The following PCDH11X variants were observed in gnomAD, a reference collection of about 807,000 sequenced individuals.
PCDH11X encodes protocadherin-11 X-linked.
PCDH11X carries 18 observed loss-of-function variants against 53.3 expected under a neutral mutation model. The observed-to-expected ratio is 0.34, with a 90% confidence interval of 0.23 to 0.50. The LOEUF (loss-of-function observed/expected upper bound fraction) is 0.50. Among genes scored for constraint, PCDH11X ranks in the 20% least tolerant of loss-of-function variants. The pLI, the probability that PCDH11X is intolerant of heterozygous loss-of-function variation, is 0.98. For missense variants in PCDH11X, 570 were observed against 1,032.4 expected (o/e 0.55, Z 6.14); for synonymous variants, 279 against 393.3 (o/e 0.71, Z 3.44).
At chrX:92,244,632 A>T (rs1477035065) in intron 7 of PCDH11X, among the ~76,000 whole-genome samples, 1 of 111,753 alleles carries the variant, frequency 8.9e-6, no homozygotes, top group Non-Finnish European at 1.9e-5. Flanking sequence ...GTGTTAACTC[A>T]ATTAGCCCTC....
At chrX:92,167,447 T>C (rs2065754573) in intron 6 of PCDH11X, among the ~76,000 whole-genome samples, 1 of 112,112 alleles carries the variant, frequency 8.9e-6, no homozygotes, top group African/African-American at 3.2e-5. Context: ...ATCTTAATGA[T>C]ATTTAATTTC....
At chrX:91,995,935 C>T (rs112579930) in intron 6 of PCDH11X, among the ~76,000 whole-genome samples, 1,756 of 106,025 alleles carry the variant, frequency 0.017, 37 homozygotes, top group African/African-American at 0.056. Flanking sequence ...CTGCAAGCTC[C>T]ACCTCCCAGG....
At chrX:92,478,762 T>C (rs1443043307) in intron 10 of PCDH11X, among the ~76,000 whole-genome samples, 1 of 109,223 alleles carries the variant, frequency 9.2e-6, no homozygotes, top group Non-Finnish European at 1.9e-5. Context: ...TTCAGTTCTT[T>C]TGCATTTGCT....
At chrX:92,215,673 C>G (rs1413452054) in intron 7 of PCDH11X, among the ~76,000 whole-genome samples, 2 of 98,981 alleles carry the variant, frequency 2.0e-5, no homozygotes, top group Non-Finnish European at 4.1e-5. Context: ...ACTTAAATGT[C>G]CCTGTCTGAC....
intron 8 of PCDH11X, among the ~76,000 whole-genome samples, chrX:92,295,739 TTGTGTGTGTGTGTGTG>T (rs58402010): frequency 9.8e-5 from 7 of 71,540 alleles, no homozygotes; most frequent in East Asian, 3.9e-4. Context: ...ACAGGTGTGT[TTGTGTGTGTGTGTGTG>T]TGTGTGTGTG....
intron 7 of PCDH11X, among the ~76,000 whole-genome samples, chrX:92,205,523 A>G (rs1326866941): frequency 9.0e-6 from 1 of 111,224 alleles, no homozygotes; most frequent in African/African-American, 3.3e-5. Context: ...TCACTGGGAT[A>G]AATAGAAGTC....
At chrX:92,127,462 A>G (rs1296087001) in intron 6 of PCDH11X, among the ~76,000 whole-genome samples, 1 of 110,856 alleles carries the variant, frequency 9.0e-6, no homozygotes, top group African/African-American at 3.3e-5. Context: ...GTCAGGGTTT[A>G]AATAAATAAT....
At chrX:91,969,991 T>C (rs902180803) in intron 6 of PCDH11X, among the ~76,000 whole-genome samples, 1 of 109,912 alleles carries the variant, frequency 9.1e-6, no homozygotes, top group Non-Finnish European at 1.9e-5. Context: ...TGTCCGGAAT[T>C]GGTTCTTTCC....
chrX:92,335,413 A>G (rs1002290752), intron 8 of PCDH11X, among the ~76,000 whole-genome samples: 1 of 108,956 alleles, frequency 9.2e-6, no homozygotes, highest in Admixed American at 1.0e-4. Context: ...TCTGAAAGTA[A>G]TGTGCTCTAG....
chrX:92,090,012 A>G (rs1052781749), intron 6 of PCDH11X, among the ~76,000 whole-genome samples: 31 of 108,121 alleles, frequency 2.9e-4, no homozygotes, highest in African/African-American at 9.7e-4. Context: ...TTTATTTAAT[A>G]TTGGTGTAAT....
chrX:92,308,765 G>A (rs1242196121), intron 8 of PCDH11X, among the ~76,000 whole-genome samples: 1 of 111,254 alleles, frequency 9.0e-6, no homozygotes, highest in Admixed American at 9.7e-5. Flanking sequence ...ATCCAGAATA[G>A]CTAAAGTATT....
chrX:92,249,500 C>G (rs1208115012), intron 7 of PCDH11X, among the ~76,000 whole-genome samples: 1 of 112,364 alleles, frequency 8.9e-6, no homozygotes, highest in African/African-American at 3.2e-5. Flanking sequence ...TTTCAGAAAG[C>G]AGATGTGCCT....
intron 6 of PCDH11X, among the ~76,000 whole-genome samples, chrX:92,146,107 A>AT (rs1347795588): frequency 5.4e-5 from 6 of 110,678 alleles, no homozygotes; most frequent in Non-Finnish European, 1.1e-4. Context: ...CATGAGTAAT[A>AT]TTTTTTCATA....
At chrX:92,315,374 T>C (rs1312406088) in intron 8 of PCDH11X, among the ~76,000 whole-genome samples, 1 of 111,273 alleles carries the variant, frequency 9.0e-6, no homozygotes, top group Non-Finnish European at 1.9e-5. Context: ...TTTTTAAAAT[T>C]ATTGTTGTTT....
At chrX:92,381,734 CAT>C (rs750078631) in intron 8 of PCDH11X, among the ~76,000 whole-genome samples, 17 of 111,571 alleles carry the variant, frequency 1.5e-4, no homozygotes, top group Non-Finnish European at 2.8e-4. Context: ...ATTAAACAGA[CAT>C]GTTGTGTAAC....
intron 9 of PCDH11X, among the ~76,000 whole-genome samples, chrX:92,418,119 T>G (rs1215903015): frequency 9.4e-6 from 1 of 106,167 alleles, no homozygotes; most frequent in Non-Finnish European, 1.9e-5. Flanking sequence ...GCTAGGTCTC[T>G]TCTCTATCTA....
At chrX:92,245,710 TC>T (rs2067337441) in intron 7 of PCDH11X, among the ~76,000 whole-genome samples, 2 of 112,101 alleles carry the variant, frequency 1.8e-5, no homozygotes, top group South Asian at 7.4e-4. Flanking sequence ...CATTGGGCAG[TC>T]CTTCCTACAT....
intron 10 of PCDH11X, among the ~76,000 whole-genome samples, chrX:92,513,830 C>T (rs1044687374): frequency 9.0e-6 from 1 of 111,430 alleles, no homozygotes; most frequent in Non-Finnish European, 1.9e-5. Context: ...AATTTACAGA[C>T]TTCTACAACC....
chrX:92,056,897 A>G (rs2063458162), intron 6 of PCDH11X, among the ~76,000 whole-genome samples: 1 of 108,072 alleles, frequency 9.3e-6, no homozygotes, highest in Non-Finnish European at 1.9e-5. Context: ...TCAAGATATA[A>G]CAATTTATTT....
Sources: gnomAD v4.1 joint callset for allele counts (sites outside exome capture counted in the v4.1 genomes callset) on GRCh38, gnomAD v4.1.1 for gene constraint, MANE v1.5 for transcripts, NCBI Gene and HGNC (gene_info 2026-07-23, HGNC 2026-07-21) for gene names.